The following MOV10 variants were observed in gnomAD, a reference collection of about 807,000 sequenced individuals.
MOV10 encodes Mov10 RNA helicase, also known as RNA helicase MOV-10.
Under a neutral mutation model 108.4 loss-of-function variants are expected in MOV10, and 39 were observed. The observed-to-expected ratio is 0.36, with a 90% CI of 0.28 to 0.47. The LOEUF is 0.47. Ranked by LOEUF, MOV10 falls within the 20% of genes least tolerant of loss-of-function variation. The probability of loss-of-function intolerance (pLI) is 1.00; values close to 1 mark genes in which losing one functional copy is unlikely to be tolerated. For missense variants in MOV10, 952 were observed against 1,297.6 expected (o/e 0.73, Z 4.09); for synonymous variants, 490 against 523.1 (o/e 0.94, Z 0.86).
chr1:112,674,943 C>T lies in MOV10; in HGVS notation c.31C>T (p.Arg11Trp), dbSNP rs921435174. The change falls in exon 2 of 21, where the codon CGG (arginine) becomes TGG (tryptophan). Residue 11 changes from arginine (R) to tryptophan (W), a missense_variant. Around this residue, in one of 5 missense-constraint regions of MOV10, gnomAD observed 374 missense variants for 468.6 expected, o/e 0.80. Transcript: ENST00000369645. The stretch of plus-strand genomic sequence containing the variant: ...CAGTAAGTTCAGCTGCCGGCAGCTC[C>T]GGGAGGCGGGCCAGTGTTTCGAGAG... Reference protein sequence around the residue: MPSKFSCRQLREAGQCFESFL... With the variant: MPSKFSCRQLWEAGQCFESFL... 1 of 1,583,274 alleles carries T rather than the reference C, an allele frequency of 6.3e-7. No individual in the cohort carries two copies. Among genetic ancestry groups the T allele is most frequent in the Non-Finnish European group, 8.6e-7 (1 of 1,165,708 alleles).
In MOV10 at chr1:112,694,340, C is replaced by T. The variant is rs1442920046; in HGVS notation, c.1296-113C>T. The T allele has an allele frequency of 2.0e-6, 3 of 1,464,192 alleles. 1 individual carries two copies. The highest frequency in any genetic ancestry group is 2.8e-5 in the African/African-American group (2 of 71,482). The allele number at this position is 1,464,192 out of a possible 1,614,324, so 90.7% of individuals were successfully genotyped here. On this transcript the variant is annotated intron_variant, in intron 8 of 20. Transcript: ENST00000369645. The surrounding 1 kb of genome is among the most constrained non-coding windows in gnomAD (Gnocchi z 4.1). ...GCAGCTTCCTCTTCTAGAGAACTTG[C>T]ATAGAGGTCTTGGAAAGAGGGGTTG...
chr1:112,690,305 G>T (rs1673466296), intron 5 of MOV10, among the ~76,000 whole-genome samples: 1 of 152,204 alleles, frequency 6.6e-6, no homozygotes. Context: ...TTTAGGCATT[G>T]TCCCTGTGTG....
intron 2 of MOV10, among the ~76,000 whole-genome samples, chr1:112,679,021 C>G (rs1009596207): frequency 2.6e-5 from 4 of 152,042 alleles, no homozygotes; most frequent in Admixed American, 6.6e-5. Flanking sequence ...TTTATAAAAA[C>G]CCTGGCTTTG....
In MOV10 at chr1:112,692,678, G is replaced by A. The variant is rs749644436; in HGVS notation, c.972-83G>A. On this transcript the variant is annotated intron_variant, in intron 6 of 20. Coordinates refer to ENST00000369645, the MANE Select transcript of MOV10 (RefSeq NM_001321324.2). ...GCTAGTTCCAGAGCTTCAGGTGGGAGAAGGTGGATACTCCTGGGCATAGGG... is the reference window on the plus strand; with the variant it reads ...GCTAGTTCCAGAGCTTCAGGTGGGAAAAGGTGGATACTCCTGGGCATAGGG... The A allele has an allele frequency of 2.0e-6, 3 of 1,532,484 alleles. No homozygotes were observed. In the South Asian group the frequency reaches 3.7e-5, roughly 19 times the overall value. The allele number at this position is 1,532,484 out of a possible 1,614,324, so 94.9% of individuals were successfully genotyped here. A position where few individuals can be genotyped will look rare whatever the true frequency, so the allele number is the denominator to read the frequency against.
chr1:112,689,608 T>C lies in MOV10; in HGVS notation c.535T>C (p.Phe179Leu), dbSNP rs373787928. The C allele has an allele frequency of 1.9e-6, 3 of 1,614,080 alleles. No individual in the cohort carries two copies. The highest frequency in any genetic ancestry group is 2.5e-6 in the Non-Finnish European group (3 of 1,180,048). The change falls in exon 4 of 21, where the codon TTC becomes CTC. Residue 179 changes from phenylalanine (F) to leucine (L), a missense_variant. By Grantham distance (22) the Phe-to-Leu change is conservative. Coordinates refer to ENST00000369645, the MANE Select transcript of MOV10 (RefSeq NM_001321324.2). The stretch of plus-strand genomic sequence containing the variant: ...ACTCTGCCGGACACCCCAGTTTGCT[T>C]TCTACAATGAAGACCAGGAGTTGCC... Reference protein sequence around the residue: ...FPLCRTPQFAFYNEDQELPCP... With the variant: ...FPLCRTPQFALYNEDQELPCP...
At position 112,698,768 on chromosome 1, in the gene MOV10, G is replaced by C. The variant is rs1674347898; in HGVS notation, c.2562G>C (p.Leu854=). The change falls in exon 17 of 21, where the codon CTG becomes CTC. Residue 854 remains leucine (L), a synonymous_variant. Coordinates refer to ENST00000369645, the MANE Select transcript of MOV10 (RefSeq NM_001321324.2). ...ITKLDRELRG[L]DDIKDLKVGS... ...AACTTGACAGGGAGCTTCGAGGACTGGATGACATCAAGGACTTGAAGGTGA... is the reference window on the plus strand; with the variant it reads ...AACTTGACAGGGAGCTTCGAGGACTCGATGACATCAAGGACTTGAAGGTGA... 6.2e-7 allele frequency: 1 copy of C among 1,614,012 alleles called. No individual in the cohort carries two copies. Among genetic ancestry groups the C allele is most frequent in the Non-Finnish European group, 8.5e-7 (1 of 1,179,974 alleles).
chr1:112,681,861 T>C (rs542174168), intron 2 of MOV10, among the ~76,000 whole-genome samples: 2 of 151,124 alleles, frequency 1.3e-5, no homozygotes, highest in East Asian at 3.9e-4. Flanking sequence ...TCAAAATTTA[T>C]GTTATGTTTG....
chr1:112,697,177 C>G (rs1017459861), intron 14 of MOV10, among the ~76,000 whole-genome samples: 11 of 152,068 alleles, frequency 7.2e-5, no homozygotes, highest in Admixed American at 2.6e-4. Context: ...GGGAGGAGGT[C>G]GGGCACAGTG....
At chr1:112,690,540 A>T (rs1464307171) in intron 5 of MOV10, among the ~76,000 whole-genome samples, 3 of 151,978 alleles carry the variant, frequency 2.0e-5, no homozygotes, top group Non-Finnish European at 2.9e-5. Flanking sequence ...TTGTATTTTT[A>T]GTAGACATGG....
At chr1:112,697,466 T>C (rs1465574541) in intron 14 of MOV10, among the ~76,000 whole-genome samples, 1 of 152,108 alleles carries the variant, frequency 6.6e-6, no homozygotes, top group Non-Finnish European at 1.5e-5. Flanking sequence ...CGAGACTCCA[T>C]CTCAAAAAAA....
Position 112,689,527 on chromosome 1 carries a change from A to G in MOV10, c.454A>G (p.Thr152Ala), listed in dbSNP as rs768570170. Residue 152 changes from threonine (T) to alanine (A), a missense_variant, in exon 4 of 21, where the codon ACC becomes GCC. Coordinates refer to ENST00000369645, the MANE Select transcript of MOV10 (RefSeq NM_001321324.2). ...RLDLNRKEVL[T>A]LRLRNGGTQS... ...GGATTTGAACCGCAAAGAGGTGCTG[A>G]CCCTGAGGCTTCGGAATGGCGGAAC... 1 of 1,614,046 alleles carries G rather than the reference A, an allele frequency of 6.2e-7. No individual in the cohort carries two copies. Among genetic ancestry groups the G allele is most frequent in the South Asian group, 1.1e-5 (1 of 91,068 alleles).
intron 2 of MOV10, among the ~76,000 whole-genome samples, chr1:112,682,871 G>GA (rs1672771356): frequency 6.6e-6 from 1 of 151,410 alleles, no homozygotes; most frequent in Non-Finnish European, 1.5e-5. Context: ...CCCTGTTTAT[G>GA]GACAGTGTTT....
intron 10 of MOV10, among the ~76,000 whole-genome samples, chr1:112,695,119 C>T (rs1002965892): frequency 6.6e-6 from 1 of 152,028 alleles, no homozygotes; most frequent in African/African-American, 2.4e-5. Context: ...ATTGCAAGAC[C>T]CTATCTCTAT....
At chr1:112,698,813 T>A (rs370767785) in intron 17 of MOV10, 24 bp downstream of exon 17, 1 of 1,601,878 alleles carries the variant, frequency 6.2e-7, no homozygotes, top group Non-Finnish European at 8.6e-7. Flanking sequence ...CCACAGTCAC[T>A]CCCTGCCTTC....
rs376900630 is a variant in MOV10 at position 112,677,342 on chromosome 1, A to G, written c.137+2293A>G. Among the ~76,000 whole-genome samples, 109 of 152,320 alleles carry G rather than the reference A, an allele frequency of 7.2e-4. 2 individuals are homozygous for G. The South Asian group carries it at 0.022, about 30-fold the overall frequency. ...AAGACAGAAGCGGGTTTCATCAACT[A>G]TCCCCGCTCTGTACCCTCATCATGT... On this transcript the variant is annotated intron_variant, in intron 2 of 20. Transcript: ENST00000369645.
intron 2 of MOV10, chr1:112,688,665 T>G (rs1392472081): frequency 1.5e-6 from 2 of 1,358,662 alleles, no homozygotes; most frequent in African/African-American, 1.5e-5. Context: ...AGCCTGTGAT[T>G]GGGCTTTTCC....
At chr1:112,687,685 A>G (rs1231929358) in intron 2 of MOV10, among the ~76,000 whole-genome samples, 1 of 152,112 alleles carries the variant, frequency 6.6e-6, no homozygotes. Flanking sequence ...ATGAAACTGT[A>G]TGTGATACTA....
intron 2 of MOV10, among the ~76,000 whole-genome samples, chr1:112,685,340 G>T (rs1672987959): frequency 6.6e-6 from 1 of 151,884 alleles, no homozygotes; most frequent in Non-Finnish European, 1.5e-5. Context: ...TCCAGTCTTG[G>T]TTAGAAAGTT....
At position 112,694,705 on chromosome 1, in the gene MOV10, G is replaced by A; in HGVS notation, c.1473-44G>A. 6.2e-7 allele frequency: 1 copy of A among 1,604,044 alleles called. No homozygotes were observed. Among genetic ancestry groups the A allele is most frequent in the South Asian group, 1.1e-5 (1 of 89,980 alleles). On this transcript the variant is annotated intron_variant, in intron 9 of 20. Coordinates refer to ENST00000369645, the MANE Select transcript of MOV10 (RefSeq NM_001321324.2). This position sits in a 1 kb window ranked among gnomAD's most constrained non-coding sequence, Gnocchi z 4.1. ...GGGGTGGAGTCAGGGAGGCCTCTGG[G>A]TCACTGGATGACTTCAAGTTCACAT...
Sources: gnomAD v4.1 joint callset for allele counts (sites outside exome capture counted in the v4.1 genomes callset) on GRCh38, gnomAD v4.1.1 for gene constraint, gnomAD v4.1.1 regional missense constraint, Gnocchi (gnomAD v3.1) non-coding constraint, MANE v1.5 for transcripts, NCBI Gene and HGNC (gene_info 2026-07-23, HGNC 2026-07-21) for gene names.